The following ZNF385D variants were observed in gnomAD, a reference collection of about 807,000 sequenced individuals.
ZNF385D encodes the protein zinc finger protein 385D.
A neutral mutation model predicts 35.8 loss-of-function variants in ZNF385D; 15 were observed. That is an observed-to-expected ratio of 0.42 (90% confidence interval 0.28 to 0.64). The LOEUF (loss-of-function observed/expected upper bound fraction) is 0.64. Ranked by LOEUF, ZNF385D falls within the 30% of genes least tolerant of loss-of-function variation. ZNF385D has a pLI of 0.23. For missense variants in ZNF385D, 474 were observed against 494.6 expected (o/e 0.96, Z 0.39); for synonymous variants, 212 against 186.8 (o/e 1.13, Z -1.10).
chr3:21,649,084 T>C (rs1021409019), intron 2 of ZNF385D, among the ~76,000 whole-genome samples: 5 of 152,172 alleles, frequency 3.3e-5, no homozygotes, highest in African/African-American at 1.2e-4. Context: ...ATGTGGTCTG[T>C]GGACAGGCAT....
chr3:21,957,237 G>C (rs1040931121), intron 3 of ZNF385D: 2 of 152,684 alleles, frequency 1.3e-5, no homozygotes, highest in African/African-American at 2.4e-5. Context: ...GCCCAGTCTT[G>C]AGTATGTCTT....
At chr3:22,075,619 CTAAAGTT>C (rs747546706) in intron 3 of ZNF385D, among the ~76,000 whole-genome samples, 4 of 151,874 alleles carry the variant, frequency 2.6e-5, no homozygotes, top group Non-Finnish European at 4.4e-5. Context: ...TGTTAAACTA[CTAAAGTT>C]TAAAGATCTT....
At chr3:22,253,892 C>T (rs1700183178) in intron 2 of ZNF385D, among the ~76,000 whole-genome samples, 1 of 151,918 alleles carries the variant, frequency 6.6e-6, no homozygotes, top group Non-Finnish European at 1.5e-5. Flanking sequence ...ATAAAGTATT[C>T]AATCTGTGCT....
At chr3:22,288,710 T>C (rs1702147032) in intron 2 of ZNF385D, among the ~76,000 whole-genome samples, 4 of 152,164 alleles carry the variant, frequency 2.6e-5, no homozygotes, top group Admixed American at 1.3e-4. Flanking sequence ...CATATCTCCA[T>C]ATCCTTATTT....
At chr3:21,505,032 C>T (rs1029525515) in intron 4 of ZNF385D, among the ~76,000 whole-genome samples, 1 of 152,092 alleles carries the variant, frequency 6.6e-6, no homozygotes, top group Admixed American at 6.6e-5. Context: ...AAGCATGAAC[C>T]ATTCCAGGAA....
chr3:22,017,484 T>C (rs1221197219), intron 3 of ZNF385D, among the ~76,000 whole-genome samples: 2 of 152,034 alleles, frequency 1.3e-5, no homozygotes, highest in Non-Finnish European at 2.9e-5. Flanking sequence ...ATTCTGTCAA[T>C]AATCTCTGTA....
chr3:22,068,951 C>T (rs1020694272), intron 3 of ZNF385D, among the ~76,000 whole-genome samples: 5 of 152,130 alleles, frequency 3.3e-5, no homozygotes, highest in African/African-American at 9.7e-5. Flanking sequence ...TTCCAGATGA[C>T]ATTACATATC....
chr3:21,788,036 G>T (rs2071774969), intron 3 of ZNF385D, among the ~76,000 whole-genome samples: 1 of 145,726 alleles, frequency 6.9e-6, no homozygotes, highest in South Asian at 2.2e-4. Flanking sequence ...TTAATATTGT[G>T]CCCATTAAAA....
intron 3 of ZNF385D, among the ~76,000 whole-genome samples, chr3:21,869,146 C>T (rs1411861213): frequency 1.3e-5 from 2 of 152,066 alleles, no homozygotes; most frequent in East Asian, 3.9e-4. Context: ...TATACAAACT[C>T]ATTAGCACGT....
intron 3 of ZNF385D, among the ~76,000 whole-genome samples, chr3:21,831,909 A>G (rs1035336739): frequency 1.1e-4 from 17 of 152,202 alleles, no homozygotes. Context: ...GCTTAGAGAC[A>G]TATTTATACT....
rs17009869 is a variant in ZNF385D at position 21,860,674 on chromosome 3, C to G, written c.326-195646G>C. ...TTAATAAAATCCTTTCAATAGTTTT[C>G]AAAGTCAGGCCTCCAAACATTTTCT... is the stretch of plus-strand genomic sequence containing the variant. On this transcript the variant is annotated intron_variant, in intron 3 of 5. Transcript: ENST00000494108. Among the ~76,000 whole-genome samples the G allele has an allele frequency of 8.6e-4, 131 of 152,236 alleles. No individual in the cohort carries two copies. In the East Asian group the frequency reaches 0.024, roughly 28 times the overall value.
In ZNF385D at chr3:21,437,184, T is replaced by C. The variant is rs1365665168; in HGVS notation, c.459A>G (p.Pro153=). The C allele has an allele frequency of 1.2e-6, 2 of 1,613,720 alleles. No homozygotes were observed. The highest frequency in any genetic ancestry group is 1.7e-6 in the Non-Finnish European group (2 of 1,179,772). The change falls in exon 5 of 8, where the codon CCA becomes CCG. Residue 153 remains proline, a synonymous_variant. Transcript: ENST00000281523. ...SDKTDGTAGT[P]AISTTTTVEI... The stretch of plus-strand genomic sequence containing the variant: ...CCACAGTTGTCGTCGTTGATATTGC[T>C]GGTGTCCCTGCAGTACCGTCTGTAT...
At chr3:21,434,794 G>T (rs2125227530) in intron 5 of ZNF385D, among the ~76,000 whole-genome samples, 1 of 152,220 alleles carries the variant, frequency 6.6e-6, no homozygotes, top group East Asian at 1.9e-4. Flanking sequence ...AACAGAAAAA[G>T]ATCTCAGATG....
intron 3 of ZNF385D, among the ~76,000 whole-genome samples, chr3:21,780,397 C>T (rs1031709795): frequency 2.0e-5 from 3 of 151,938 alleles, no homozygotes; most frequent in Admixed American, 6.6e-5. Flanking sequence ...TGACATTTTC[C>T]TCTTCCTCAC....
At chr3:21,645,342 G>A (rs1304273879) in intron 2 of ZNF385D, among the ~76,000 whole-genome samples, 1 of 152,146 alleles carries the variant, frequency 6.6e-6, no homozygotes, top group African/African-American at 2.4e-5. Context: ...GGGACTCAGG[G>A]TGGGAAGATG....
intron 4 of ZNF385D, among the ~76,000 whole-genome samples, chr3:21,442,806 A>AGTGTGTGT: frequency 6.6e-6 from 1 of 151,388 alleles, no homozygotes. Context: ...GGAGTTCATA[A>AGTGTGTGT]GTGTGTGTGC....
At chr3:22,061,547 C>T (rs536177186) in intron 3 of ZNF385D, among the ~76,000 whole-genome samples, 5 of 152,254 alleles carry the variant, frequency 3.3e-5, no homozygotes, top group African/African-American at 9.6e-5. Context: ...ACAATAACTC[C>T]AAAGTCTTCA....
chr3:21,559,698 T>A (rs1376757302), intron 3 of ZNF385D, among the ~76,000 whole-genome samples: 1 of 152,210 alleles, frequency 6.6e-6, no homozygotes, highest in Non-Finnish European at 1.5e-5. Flanking sequence ...TGAATTTCAA[T>A]GTTGGCCTGT....
chr3:22,328,123 C>T (rs912896917), intron 2 of ZNF385D, among the ~76,000 whole-genome samples: 2 of 151,926 alleles, frequency 1.3e-5, no homozygotes, highest in Non-Finnish European at 2.9e-5. Flanking sequence ...ATTACTTATT[C>T]CATTTACATA....
Sources: allele counts gnomAD v4.1 joint callset (sites outside exome capture counted in the v4.1 genomes callset), GRCh38; gene constraint gnomAD v4.1.1; transcripts MANE v1.5; gene names NCBI Gene and HGNC (gene_info 2026-07-23, HGNC 2026-07-21).